IGSF21: variants seen among roughly 807,000 people sequenced by gnomAD.
IGSF21 encodes immunoglobin superfamily member 21, also known as immunoglobulin superfamily member 21.
A neutral mutation model predicts 46.8 loss-of-function variants in IGSF21; 28 were observed. The ratio of observed to expected loss-of-function variants is 0.60; its 90% confidence interval spans 0.44 to 0.82. The LOEUF (loss-of-function observed/expected upper bound fraction) is 0.82, where lower values mean the gene tolerates loss of function less well. Ranked by LOEUF, IGSF21 falls within the 40% of genes least tolerant of loss-of-function variation. The probability of loss-of-function intolerance (pLI) is 0.00; values close to 1 mark genes in which losing one functional copy is unlikely to be tolerated. For missense variants in IGSF21, 624 were observed against 665.5 expected, an observed-to-expected ratio of 0.94 and a Z score of 0.69; for synonymous variants, 284 against 273.6, an observed-to-expected ratio of 1.04 and a Z score of -0.38.
Position 18,322,582 on chromosome 1 carries a change from C to G in IGSF21, c.306-12310C>G, listed in dbSNP as rs1044214948. ...GTCTCATTTCCCTTTGGCCAACCACCTGGCTCCTGGTTCCCCACCACACGG... is the reference window on the plus strand; with the variant it reads ...GTCTCATTTCCCTTTGGCCAACCACGTGGCTCCTGGTTCCCCACCACACGG... On this transcript the variant is annotated intron_variant, in intron 3 of 9. Transcript: ENST00000251296. The surrounding 1 kb of genome is among the most constrained non-coding windows in gnomAD (Gnocchi z 4.3). Among the ~76,000 whole-genome samples the G allele has an allele frequency of 6.6e-6, 1 of 152,226 alleles. No homozygotes were observed. Among genetic ancestry groups the G allele is most frequent in the Non-Finnish European group, 1.5e-5 (1 of 68,042 alleles).
At chr1:18,235,673 G>T (rs563565268) in intron 2 of IGSF21, among the ~76,000 whole-genome samples, 1 of 152,226 alleles carries the variant, frequency 6.6e-6, no homozygotes, top group African/African-American at 2.4e-5. Context: ...GGCAGAGACC[G>T]TTCATACCAG....
chr1:18,110,761 C>T (rs2086136130), intron 1 of IGSF21: 1 of 152,408 alleles, frequency 6.6e-6, no homozygotes, highest in Non-Finnish European at 1.5e-5. Context: ...TTTTCAACTC[C>T]TCCAGCCCCC....
chr1:18,277,441 G>T (rs2085113018), intron 2 of IGSF21, among the ~76,000 whole-genome samples: 1 of 152,208 alleles, frequency 6.6e-6, no homozygotes, highest in African/African-American at 2.4e-5. Context: ...ACTCACCTCT[G>T]TGTCTAGCAC....
In IGSF21 at chr1:18,376,090, C is replaced by A. The variant is rs2086277851; in HGVS notation, c.1016-220C>A. ...AATCATGTCCTATATACACCCTTGA[C>A]TCCCCAGGTCCTAGAGAGCATCTGA... On this transcript the variant is annotated intron_variant, in intron 6 of 9. Transcript: ENST00000251296. The A allele has an allele frequency of 1.2e-5, 6 of 508,050 alleles. No homozygotes were observed. The South Asian group carries it at 1.2e-4, about 10-fold the overall frequency. The allele number at this position is 508,050 out of a possible 1,614,324, so 31.5% of individuals were successfully genotyped here. A position where few individuals can be genotyped will look rare whatever the true frequency, so the allele number is the denominator to read the frequency against.
intron 4 of IGSF21, among the ~76,000 whole-genome samples, chr1:18,341,715 C>T (rs1191978651): frequency 1.3e-5 from 2 of 152,162 alleles, no homozygotes; most frequent in Non-Finnish European, 1.5e-5. Context: ...ATATAGCCAT[C>T]CTGCATGTTA....
intron 8 of IGSF21, 103 bp from the exon 9 acceptor site, chr1:18,377,290 G>C: frequency 9.6e-7 from 1 of 1,046,310 alleles, no homozygotes; most frequent in Non-Finnish European, 1.5e-6. Flanking sequence ...CACTGAGACA[G>C]TGCGTGTGAT....
At chr1:18,134,974 G>A (rs1202978674) in intron 1 of IGSF21, among the ~76,000 whole-genome samples, 1 of 152,232 alleles carries the variant, frequency 6.6e-6, no homozygotes, top group East Asian at 1.9e-4. Flanking sequence ...GCTCACTCCA[G>A]GCCCTGGGCT....
chr1:18,363,358 A>G (rs966133737), intron 5 of IGSF21, among the ~76,000 whole-genome samples: 2 of 152,152 alleles, frequency 1.3e-5, no homozygotes, highest in African/African-American at 4.8e-5. Context: ...GGCCTTGGGA[A>G]TCTAGGCCAG....
At chr1:18,341,007 T>TCCTTC (rs2124611794) in intron 4 of IGSF21, among the ~76,000 whole-genome samples, 1 of 120,886 alleles carries the variant, frequency 8.3e-6, no homozygotes, top group East Asian at 2.6e-4. Context: ...CTCCTCCTCC[T>TCCTTC]TCTTCTCTTC....
intron 6 of IGSF21, among the ~76,000 whole-genome samples, chr1:18,371,798 G>C (rs1184117024): frequency 6.6e-6 from 1 of 152,094 alleles, no homozygotes; most frequent in Non-Finnish European, 1.5e-5. Flanking sequence ...CTTCCTCCTG[G>C]TTCCTTCCAC....
At chr1:18,319,720 C>A (rs2124592761) in intron 3 of IGSF21, among the ~76,000 whole-genome samples, 1 of 152,294 alleles carries the variant, frequency 6.6e-6, no homozygotes, top group East Asian at 1.9e-4. Flanking sequence ...TTACTTGTCT[C>A]CCCTTTGTCA....
chr1:18,326,860 C>T (rs1344764728), intron 3 of IGSF21, among the ~76,000 whole-genome samples: 5 of 152,110 alleles, frequency 3.3e-5, no homozygotes, highest in African/African-American at 1.2e-4. Flanking sequence ...GCCAGATCTT[C>T]GCTGTCATAA....
At chr1:18,315,486 A>G (rs2085531539) in intron 3 of IGSF21, among the ~76,000 whole-genome samples, 1 of 152,128 alleles carries the variant, frequency 6.6e-6, no homozygotes, top group Non-Finnish European at 1.5e-5. Context: ...TAATTACCCC[A>G]TCTACCATTG....
At chr1:18,368,136 A>G (rs1201238645) in intron 6 of IGSF21, among the ~76,000 whole-genome samples, 3 of 151,418 alleles carry the variant, frequency 2.0e-5, no homozygotes, top group African/African-American at 7.3e-5. Flanking sequence ...TAAGCCTCTC[A>G]CTCTGCCTCC....
chr1:18,185,275 C>T lies in IGSF21; in HGVS notation c.71-42623C>T, dbSNP rs571775869. 3.7e-3 allele frequency among the ~76,000 whole-genome samples: 570 copies of T among 152,304 alleles called. 5 individuals are homozygous for T. The highest frequency in any genetic ancestry group is 3.7e-3 in the Non-Finnish European group (255 of 68,032). ...AGGGACTAATGGAATGTCAGATACA[C>T]GAACAGCTTGTCCTTCTCTTAGTCT... On this transcript the variant is annotated intron_variant, in intron 1 of 9. Transcript: ENST00000251296.
At chr1:18,272,090 A>G (rs1471749807) in intron 2 of IGSF21, among the ~76,000 whole-genome samples, 1 of 152,152 alleles carries the variant, frequency 6.6e-6, no homozygotes, top group Non-Finnish European at 1.5e-5. Context: ...TCATGGCCTC[A>G]CAATCATGGC....
chr1:18,114,286 C>A (rs61765728), intron 1 of IGSF21: 12,744 of 152,290 alleles, frequency 0.084, 619 homozygotes, highest in Middle Eastern at 0.16. Context: ...CCCTGACCCA[C>A]TAGACCCTGC....
At chr1:18,271,441 T>G (rs1039357093) in intron 2 of IGSF21, among the ~76,000 whole-genome samples, 1 of 152,174 alleles carries the variant, frequency 6.6e-6, no homozygotes, top group Non-Finnish European at 1.5e-5. Context: ...TCTAAACCTA[T>G]CCAGATTTTA....
chr1:18,180,868 A>C (rs2086850466), intron 1 of IGSF21, among the ~76,000 whole-genome samples: 1 of 152,200 alleles, frequency 6.6e-6, no homozygotes, highest in South Asian at 2.1e-4. Flanking sequence ...TTGATATCAC[A>C]TGGTATTGTG....
Sources: allele counts gnomAD v4.1 joint callset (sites outside exome capture counted in the v4.1 genomes callset), GRCh38; gene constraint gnomAD v4.1.1; non-coding constraint Gnocchi (gnomAD v3.1); transcripts MANE v1.5; gene names NCBI Gene and HGNC (gene_info 2026-07-23, HGNC 2026-07-21).